AGBL4: variants seen among roughly 807,000 people sequenced by gnomAD.
AGBL4 encodes cytosolic carboxypeptidase 6.
Under a neutral mutation model 66.4 loss-of-function variants are expected in AGBL4, and 58 were observed. That is an observed-to-expected ratio of 0.87 (90% CI 0.71 to 1.09). The LOEUF (loss-of-function observed/expected upper bound fraction) is 1.09, where lower values mean the gene tolerates loss of function less well. Among genes scored for constraint, AGBL4 ranks in the 50% least tolerant of loss-of-function variants. The probability of loss-of-function intolerance (pLI) is 0.00; values close to 1 mark genes in which losing one functional copy is unlikely to be tolerated. For missense variants in AGBL4, 579 were observed against 631.0 expected (o/e 0.92, Z 0.88); for synonymous variants, 234 against 222.9 (o/e 1.05, Z -0.44).
At chr1:49,635,282 G>A (rs1428701577) in intron 3 of AGBL4, among the ~76,000 whole-genome samples, 1 of 152,140 alleles carries the variant, frequency 6.6e-6, no homozygotes, top group Admixed American at 6.6e-5. Flanking sequence ...AAGATAAAAT[G>A]AGAGATCTTT....
chr1:49,886,746 G>A (rs1648076263), intron 1 of AGBL4, among the ~76,000 whole-genome samples: 1 of 152,150 alleles, frequency 6.6e-6, no homozygotes, highest in African/African-American at 2.4e-5. Flanking sequence ...CATAATGACA[G>A]ATCAGCCTTT....
intron 3 of AGBL4, among the ~76,000 whole-genome samples, chr1:49,259,223 C>T (rs1251551810): frequency 6.6e-6 from 1 of 151,972 alleles, no homozygotes; most frequent in East Asian, 1.9e-4. Flanking sequence ...TAAAGACCAT[C>T]GAGACTAGGA....
At chr1:49,851,681 CAA>C (rs1646309834) in intron 1 of AGBL4, among the ~76,000 whole-genome samples, 163 bp from the exon 2 acceptor site, 1 of 152,014 alleles carries the variant, frequency 6.6e-6, no homozygotes, top group Non-Finnish European at 1.5e-5. Context: ...CATTTTGAAA[CAA>C]AATGATATAG....
At chr1:49,688,505 A>T (rs1646827849) in intron 3 of AGBL4, among the ~76,000 whole-genome samples, 1 of 152,150 alleles carries the variant, frequency 6.6e-6, no homozygotes, top group Non-Finnish European at 1.5e-5. Context: ...TTACTTCCAA[A>T]TCTTGCCTAT....
At chr1:49,919,590 G>A (rs1651976918) in intron 1 of AGBL4, among the ~76,000 whole-genome samples, 1 of 152,006 alleles carries the variant, frequency 6.6e-6, no homozygotes, top group African/African-American at 2.4e-5. Flanking sequence ...AATAAAAGAG[G>A]ATACAAACAA....
At chr1:49,441,862 C>A (rs1646038929) in intron 3 of AGBL4, among the ~76,000 whole-genome samples, 1 of 152,120 alleles carries the variant, frequency 6.6e-6, no homozygotes, top group Non-Finnish European at 1.5e-5. Flanking sequence ...TATCATCACC[C>A]AATGGGCCAA....
intron 11 of AGBL4, chr1:48,585,199 A>T (rs920141227): frequency 2.0e-5 from 3 of 152,230 alleles, no homozygotes; most frequent in African/African-American, 7.2e-5. Context: ...AGACAGAAGC[A>T]TGTCAGAAGT....
chr1:49,920,943 A>T (rs896992802), intron 1 of AGBL4, among the ~76,000 whole-genome samples: 4 of 152,234 alleles, frequency 2.6e-5, no homozygotes, highest in Non-Finnish European at 4.4e-5. Flanking sequence ...CTTTGTAGGG[A>T]CATGGATGAA....
At chr1:49,482,119 T>C (rs1383143108) in intron 3 of AGBL4, among the ~76,000 whole-genome samples, 1 of 151,940 alleles carries the variant, frequency 6.6e-6, no homozygotes, top group African/African-American at 2.4e-5. Flanking sequence ...GGTTTTGGTA[T>C]CAGGATGATG....
rs1471871801 is a variant in AGBL4, at chr1:49,618,493, A to C, written c.282+78820T>G. On this transcript the variant is annotated intron_variant, in intron 3 of 13. Transcript: ENST00000371839. ...AGTAATTAATAGCCTACTAACCAAA[A>C]AAGCCCAGGACCAGACAGATTCACA... Among the ~76,000 whole-genome samples the C allele has an allele frequency of 3.3e-5, 5 of 152,150 alleles. 1 individual carries two copies. The highest frequency in any genetic ancestry group is 1.2e-4 in the African/African-American group (5 of 41,438).
chr1:49,057,876 T>G (rs956083888), intron 4 of AGBL4, among the ~76,000 whole-genome samples: 2 of 152,156 alleles, frequency 1.3e-5, no homozygotes, highest in African/African-American at 4.8e-5. Flanking sequence ...AATAGATATT[T>G]GTTAACTGAA....
intron 3 of AGBL4, among the ~76,000 whole-genome samples, chr1:49,568,487 T>TCTCACA (rs373075739): frequency 2.3e-5 from 3 of 131,284 alleles, no homozygotes; most frequent in East Asian, 2.1e-4. Context: ...AAATAAGTGA[T>TCTCACA]CACACACACA....
chr1:48,613,824 G>A (rs1206943127), intron 9 of AGBL4, among the ~76,000 whole-genome samples: 1 of 152,244 alleles, frequency 6.6e-6, no homozygotes, highest in Non-Finnish European at 1.5e-5. Context: ...AGATATTGGG[G>A]TTGTATTCAC....
At chr1:49,468,902 A>C (rs2148709556) in intron 3 of AGBL4, among the ~76,000 whole-genome samples, 1 of 151,946 alleles carries the variant, frequency 6.6e-6, no homozygotes, top group East Asian at 1.9e-4. Context: ...ACATTTGTGA[A>C]ATATAAAATT....
At chr1:48,998,523 G>C (rs1661176520) in intron 5 of AGBL4, among the ~76,000 whole-genome samples, 1 of 152,188 alleles carries the variant, frequency 6.6e-6, no homozygotes, top group Non-Finnish European at 1.5e-5. Flanking sequence ...CTTCTGACCA[G>C]TGGGATGTAA....
chr1:48,936,874 G>A (rs896945911), intron 5 of AGBL4, among the ~76,000 whole-genome samples: 4 of 152,114 alleles, frequency 2.6e-5, no homozygotes, highest in African/African-American at 9.7e-5. Flanking sequence ...GGAAAAACTT[G>A]GAAAATCCCC....
At chr1:48,921,660 G>A (rs1442609510) in intron 5 of AGBL4, among the ~76,000 whole-genome samples, 1 of 152,076 alleles carries the variant, frequency 6.6e-6, no homozygotes, top group Non-Finnish European at 1.5e-5. Flanking sequence ...AACAATACAA[G>A]TAGTCACAAT....
In AGBL4 at chr1:48,932,882, G is replaced by A. The variant is rs929202038; in HGVS notation, c.595-65652C>T. Among the ~76,000 whole-genome samples the A allele has an allele frequency of 6.6e-5, 10 of 152,036 alleles. No homozygotes were observed. In the East Asian group the frequency reaches 1.9e-3, roughly 29 times the overall value. ...AAACAACCAACTAACCGGAAACAAT[G>A]TTTGACTGTAGTCTAGAGAAACAGG... On this transcript the variant is annotated intron_variant, in intron 5 of 13. Transcript: ENST00000371839.
At chr1:49,709,032 G>A (rs2124650568) in intron 2 of AGBL4, among the ~76,000 whole-genome samples, 1 of 152,308 alleles carries the variant, frequency 6.6e-6, no homozygotes, top group African/African-American at 2.4e-5. Flanking sequence ...GAGGCACGGT[G>A]GTCAGGGACC....
Sources: gnomAD v4.1 joint callset for allele counts (sites outside exome capture counted in the v4.1 genomes callset) on GRCh38, gnomAD v4.1.1 for gene constraint, MANE v1.5 for transcripts, NCBI Gene and HGNC (gene_info 2026-07-23, HGNC 2026-07-21) for gene names.